The following NVL variants were observed in gnomAD, a reference collection of about 807,000 sequenced individuals.
NVL encodes the protein nuclear valosin-containing protein-like.
Under a neutral mutation model 110.2 loss-of-function variants are expected in NVL, and 84 were observed. That is an observed-to-expected ratio of 0.76 (90% CI 0.64 to 0.91). The LOEUF is 0.91. Among genes scored for constraint, NVL ranks in the 40% least tolerant of loss-of-function variants. The pLI is 0.00. For missense variants in NVL, 882 were observed against 1,035.9 expected, an observed-to-expected ratio of 0.85 and a Z score of 2.04; for synonymous variants, 354 against 361.1, an observed-to-expected ratio of 0.98 and a Z score of 0.22.
intron 1 of NVL, among the ~76,000 whole-genome samples, chr1:224,329,388 T>C (rs1671460120): frequency 6.6e-6 from 1 of 152,062 alleles, no homozygotes; most frequent in Non-Finnish European, 1.5e-5. Context: ...ACAGAGCACT[T>C]CCAACATTTA....
At position 224,305,069 on chromosome 1, in the gene NVL, A is replaced by G. The variant is rs1289761184; in HGVS notation, c.713T>C (p.Val238Ala). Residue 238 changes from valine (V) to alanine (A), a missense_variant, in exon 7 of 23, where the codon GTA becomes GCA. By Grantham distance (64) the Val-to-Ala change is moderately conservative. Around this residue, in one of 4 missense-constraint regions of NVL, gnomAD observed 416 missense variants for 499.3 expected, o/e 0.83. Transcript: ENST00000281701. ...CAGGACAGCTTCAATTTCTCCATCT[A>G]CTTCCTGAAGATCTTCTTTCTTCCT... ...SKRKKEDLQE[V>A]DGEIEAVLQK... The G allele has an allele frequency of 6.2e-7, 1 of 1,613,690 alleles. No individual in the cohort carries two copies. Among genetic ancestry groups the G allele is most frequent in the African/African-American group, 1.3e-5 (1 of 74,996 alleles).
At chr1:224,267,430 G>A (rs937133947) in intron 18 of NVL, among the ~76,000 whole-genome samples, 1 of 152,122 alleles carries the variant, frequency 6.6e-6, no homozygotes, top group African/African-American at 2.4e-5. Context: ...GCTCACGTCT[G>A]TAATCCTAGC....
At chr1:224,326,213 C>T (rs532258948) in intron 2 of NVL, among the ~76,000 whole-genome samples, 178 bp downstream of exon 2, 10 of 152,326 alleles carry the variant, frequency 6.6e-5, no homozygotes, top group African/African-American at 2.2e-4. Flanking sequence ...AGACATTTTA[C>T]TGCACATAAT....
At chr1:224,326,223 T>C (rs1432709077) in intron 2 of NVL, among the ~76,000 whole-genome samples, 168 bp downstream of exon 2, 1 of 152,226 alleles carries the variant, frequency 6.6e-6, no homozygotes. Flanking sequence ...CTGCACATAA[T>C]AGGTATTTGA....
rs776784680 is a variant in NVL, at chr1:224,243,537, C to A, written c.2289+6675G>T. 5.3e-5 allele frequency among the ~76,000 whole-genome samples: 8 copies of A among 152,072 alleles called. No individual in the cohort carries two copies. The South Asian group carries it at 1.7e-3, about 32-fold the overall frequency. On this transcript the variant is annotated intron_variant, in intron 19 of 22. Transcript: ENST00000281701. ...GAAAATATTTAAATATTTTGTAAGA[C>A]ATACACTTCAAAGGGAGTTTCAAGG...
chr1:224,287,680 A>AGTTT (rs1186936912), intron 14 of NVL, 95 bp downstream of exon 14: 2 of 941,660 alleles, frequency 2.1e-6, no homozygotes, highest in Non-Finnish European at 3.3e-6. Flanking sequence ...TAGTCAAGTC[A>AGTTT]GTTTAGCCAC....
chr1:224,313,966 G>A (rs1018745348), intron 4 of NVL, among the ~76,000 whole-genome samples: 26 of 152,098 alleles, frequency 1.7e-4, no homozygotes, highest in Non-Finnish European at 3.2e-4. Context: ...TCGCACCACT[G>A]GACTCCAGCC....
At chr1:224,311,712 G>T in intron 5 of NVL, 88 bp downstream of exon 5, 1 of 975,188 alleles carries the variant, frequency 1.0e-6, no homozygotes, top group Non-Finnish European at 1.6e-6. Flanking sequence ...GAGTCACCAT[G>T]TCCAGCTAAT....
At chr1:224,240,951 C>T (rs769326933) in intron 19 of NVL, among the ~76,000 whole-genome samples, 4 of 151,984 alleles carry the variant, frequency 2.6e-5, no homozygotes, top group South Asian at 2.1e-4. Flanking sequence ...CCACCATACC[C>T]GGCTAATTTT....
intron 9 of NVL, among the ~76,000 whole-genome samples, chr1:224,301,060 C>A (rs1002101640): frequency 6.6e-6 from 1 of 151,314 alleles, no homozygotes; most frequent in Admixed American, 6.6e-5. Flanking sequence ...GAGCCGAGAT[C>A]GCGCCATTGC....
At chr1:224,253,604 A>G (rs930398835) in intron 18 of NVL, among the ~76,000 whole-genome samples, 3 of 151,492 alleles carry the variant, frequency 2.0e-5, no homozygotes, top group Admixed American at 6.6e-5. Context: ...GTGGTGGCAC[A>G]TGCCTGTAAT....
At chr1:224,271,087 G>A (rs1030766271) in intron 17 of NVL, among the ~76,000 whole-genome samples, 2 of 152,138 alleles carry the variant, frequency 1.3e-5, no homozygotes, top group African/African-American at 2.4e-5. Context: ...CAATCTAAAT[G>A]TCCAAAACAG....
At chr1:224,330,004 A>G in intron 1 of NVL, 67 bp downstream of exon 1, 1 of 1,493,742 alleles carries the variant, frequency 6.7e-7, no homozygotes, top group Non-Finnish European at 9.3e-7. Context: ...CACCCGACAA[A>G]AGGGGAGTGG....
intron 20 of NVL, among the ~76,000 whole-genome samples, chr1:224,235,969 G>A (rs1432550710): frequency 1.3e-5 from 2 of 151,554 alleles, no homozygotes; most frequent in Non-Finnish European, 1.5e-5. Flanking sequence ...ACAAAAAGCC[G>A]GAGGGGGCAT....
At chr1:224,260,235 C>T (rs1663811309) in intron 18 of NVL, among the ~76,000 whole-genome samples, 1 of 152,090 alleles carries the variant, frequency 6.6e-6, no homozygotes, top group South Asian at 2.1e-4. Context: ...AAATAAATAC[C>T]TTCTCTGTGA....
intron 19 of NVL, among the ~76,000 whole-genome samples, chr1:224,249,541 G>A (rs548142810): frequency 6.6e-6 from 1 of 152,098 alleles, no homozygotes; most frequent in Non-Finnish European, 1.5e-5. Context: ...TCAGGAGATC[G>A]AGACCATCCT....
chr1:224,300,613 T>C lies in NVL; in HGVS notation c.1011A>G (p.Gly337=), dbSNP rs16846339. The C allele has an allele frequency of 0.013, 20,761 of 1,613,946 alleles. 1,641 individuals carry two copies. The African/African-American group carries it at 0.2, about 15-fold the overall frequency. The change falls in exon 10 of 23, where the codon GGA becomes GGG. Residue 337 remains glycine (G), a synonymous_variant. Transcript: ENST00000281701. ...GCTTCTGCTCAGACTCTCCGGATAC[T>C]CCAGACACAATCTCTGGAGCAGCCA... is the stretch of plus-strand genomic sequence containing the variant. The part of the protein sequence containing the change: ...LKVAAPEIVS[G]VSGESEQKLR...
chr1:224,255,021 A>AC (rs961490384), intron 18 of NVL, among the ~76,000 whole-genome samples: 30 of 148,740 alleles, frequency 2.0e-4, no homozygotes, highest in African/African-American at 6.2e-4. Context: ...CCAGGCATGC[A>AC]CCACCACACT....
chr1:224,236,847 G>A (rs928493530), intron 19 of NVL, among the ~76,000 whole-genome samples: 1 of 152,334 alleles, frequency 6.6e-6, no homozygotes, highest in Admixed American at 6.5e-5. Flanking sequence ...GGAGGTGGAG[G>A]TTGTAGTGAG....
Sources: allele counts gnomAD v4.1 joint callset (sites outside exome capture counted in the v4.1 genomes callset), GRCh38; gene constraint gnomAD v4.1.1; regional missense constraint gnomAD v4.1.1; transcripts MANE v1.5; gene names NCBI Gene and HGNC (gene_info 2026-07-23, HGNC 2026-07-21).